Variants in RECK observed in about 807,000 individuals in gnomAD.
The protein encoded by RECK is reversion-inducing cysteine-rich protein with Kazal motifs.
Under a neutral mutation model 115.1 loss-of-function variants are expected in RECK, and 69 were observed. That is an observed-to-expected ratio of 0.60 (90% CI 0.49 to 0.73). The LOEUF (loss-of-function observed/expected upper bound fraction) is 0.73. RECK is among the 30% of genes least tolerant of loss of function. The probability of loss-of-function intolerance (pLI) is 0.00; values close to 1 mark genes in which losing one functional copy is unlikely to be tolerated. For synonymous variants in RECK, 414 were observed against 419.7 expected, an observed-to-expected ratio of 0.99 and a Z score of 0.17; for missense variants, 1,047 against 1,203.7, an observed-to-expected ratio of 0.87 and a Z score of 1.93.
intron 2 of RECK, among the ~76,000 whole-genome samples, chr9:36,054,087 G>C (rs895905968): frequency 6.6e-6 from 1 of 152,182 alleles, no homozygotes; most frequent in African/African-American, 2.4e-5. Flanking sequence ...TGTATCAGGG[G>C]TGTGGAGAGA....
intron 1 of RECK, among the ~76,000 whole-genome samples, chr9:36,048,277 A>G (rs1330594440): frequency 7.9e-5 from 12 of 151,372 alleles, no homozygotes; most frequent in African/African-American, 9.8e-5. Flanking sequence ...TGCCAACTCT[A>G]TCCTCTTTTC....
chr9:36,041,680 C>T (rs1820871003), intron 1 of RECK, among the ~76,000 whole-genome samples: 1 of 152,018 alleles, frequency 6.6e-6, no homozygotes, highest in African/African-American at 2.4e-5. Context: ...GGAAATTAGA[C>T]TTCCCGTGTG....
At chr9:36,056,616 C>T (rs900204898) in intron 2 of RECK, among the ~76,000 whole-genome samples, 1 of 152,132 alleles carries the variant, frequency 6.6e-6, no homozygotes, top group Non-Finnish European at 1.5e-5. Context: ...ATATTCTAGA[C>T]CTATATGGTA....
Position 36,123,036 on chromosome 9 carries a change from A to G in RECK, c.2907A>G (p.Thr969=), listed in dbSNP as rs1280226666. 2 of 1,613,098 alleles carry G rather than the reference A, an allele frequency of 1.2e-6. No homozygotes were observed. The highest frequency in any genetic ancestry group is 1.7e-6 in the Non-Finnish European group (2 of 1,179,446). The change falls in exon 21 of 21, where the codon ACA becomes ACG. Residue 969 remains threonine, a synonymous_variant. Transcript: ENST00000377966. ...GCCTTGCCTTGCACTTGCTCTGGACATATAACTGACTGCCCACGGAAAGTG... is the reference window on the plus strand; with the variant it reads ...GCCTTGCCTTGCACTTGCTCTGGACGTATAACTGACTGCCCACGGAAAGTG... The part of the protein sequence containing the change: ...SLGLALHLLW[T]YN
At position 36,073,231 on chromosome 9, in the gene RECK, G is replaced by GAC. The variant is rs1296993241; in HGVS notation, c.406-7366_406-7365dup. ...AAACAGCAACACACAGACACACACA[G>GAC]ACACACACAGACACACACACACACA... is the stretch of plus-strand genomic sequence containing the variant. On this transcript the variant is annotated intron_variant, in intron 6 of 20. Transcript: ENST00000377966. 6.1e-3 allele frequency among the ~76,000 whole-genome samples: 576 copies of GAC among 94,916 alleles called. 5 individuals carry two copies. The highest frequency in any genetic ancestry group is 0.042 in the Middle Eastern group (7 of 166). 62.3% of individuals were successfully genotyped at this position (94,916 alleles called of 152,430 possible).
intron 19 of RECK, 124 bp downstream of exon 19, chr9:36,120,860 C>T (rs1268919689): frequency 1.4e-6 from 1 of 705,844 alleles, no homozygotes; most frequent in Non-Finnish European, 2.4e-6. Flanking sequence ...AAGCAACTTT[C>T]CCAGGGCCAT....
Position 36,105,209 on chromosome 9 carries a change from C to T in RECK, c.1502C>T (p.Ala501Val), listed in dbSNP as rs1163954813. ...CCCTGTAACCCAAATCCTTGCCCTGCCAATGAGCTCTGTGAAGTAAACCGA... is the reference window on the plus strand; with the variant it reads ...CCCTGTAACCCAAATCCTTGCCCTGTCAATGAGCTCTGTGAAGTAAACCGA... Reference protein sequence around the residue: ...THPCNPNPCPANELCEVNRKG... With the variant: ...THPCNPNPCPVNELCEVNRKG... Residue 501 changes from alanine to valine, a missense_variant, in exon 13 of 21, where the codon GCC becomes GTC. By Grantham distance (64) the Ala-to-Val change is moderately conservative (BLOSUM62 0). Coordinates refer to ENST00000377966, the MANE Select transcript of RECK (RefSeq NM_021111.3). The T allele has an allele frequency of 1.2e-6, 2 of 1,613,922 alleles. No homozygotes were observed. The highest frequency in any genetic ancestry group is 1.1e-5 in the South Asian group (1 of 91,086).
rs1372677569 is a variant in RECK, at chr9:36,094,928, T to C, written c.1085+3585T>C. ...GAGGATTTGAACAACATATGCTGGG[T>C]TAAAAAGCAAGTCTCAACCGCTGTC... is the stretch of plus-strand genomic sequence containing the variant. On this transcript the variant is annotated intron_variant, in intron 10 of 20. Transcript: ENST00000377966. The surrounding 1 kb of genome is among the most constrained non-coding windows in gnomAD (Gnocchi z 4.1). Among the ~76,000 whole-genome samples, 2 of 152,106 alleles carry C rather than the reference T, an allele frequency of 1.3e-5. No homozygotes were observed. Among genetic ancestry groups the C allele is most frequent in the African/African-American group, 2.4e-5 (1 of 41,416 alleles).
intron 1 of RECK, among the ~76,000 whole-genome samples, chr9:36,040,195 A>C (rs1312221667): frequency 6.6e-6 from 1 of 152,258 alleles, no homozygotes; most frequent in Non-Finnish European, 1.5e-5. Flanking sequence ...AAATAGATAA[A>C]TATGTAACAA....
intron 12 of RECK, among the ~76,000 whole-genome samples, chr9:36,102,954 T>TAA (rs34000336): frequency 0.032 from 4,262 of 133,284 alleles, 230 homozygotes; most frequent in African/African-American, 0.11. Context: ...AGACTCTGTC[T>TAA]AAAAAAAAAA....
rs371411958 is a variant in RECK at position 36,083,486 on chromosome 9, C to T, written c.561C>T (p.Cys187=). The T allele has an allele frequency of 5.9e-5, 95 of 1,613,862 alleles. No homozygotes were observed. Among genetic ancestry groups the T allele is most frequent in the Middle Eastern group, 3.3e-4 (2 of 6,082 alleles). Residue 187 remains cysteine (C), a synonymous_variant, in exon 8 of 21, where the codon TGC becomes TGT. Transcript: ENST00000377966. ...PSQIKAVENY[C]ASISPQLIHC... ...AGATAAAAGCAGTGGAAAATTATTG[C>T]GCCTCTATTAGTCCACAATTAATAC... is the stretch of plus-strand genomic sequence containing the variant.
chr9:36,112,242 A>C, intron 15 of RECK, 63 bp from the exon 16 acceptor site: 1 of 1,528,886 alleles, frequency 6.5e-7, no homozygotes, highest in Non-Finnish European at 9.0e-7. Flanking sequence ...TGCCTTAACA[A>C]GGAAATATAA....
Position 36,115,066 on chromosome 9 carries a change from G to C in RECK, c.2061-1919G>C, listed in dbSNP as rs57598861. ...ACGGTGGCTCATACCTGTAATCCCA[G>C]CACTTTGGGAGGCAGAGGTGGGTGA... is the stretch of plus-strand genomic sequence containing the variant. On this transcript the variant is annotated intron_variant, in intron 16 of 20. Coordinates refer to ENST00000377966, the MANE Select transcript of RECK (RefSeq NM_021111.3). 9.0e-3 allele frequency among the ~76,000 whole-genome samples: 1,364 copies of C among 152,196 alleles called. 22 individuals carry two copies. Among genetic ancestry groups the C allele is most frequent in the African/African-American group, 0.032 (1,311 of 41,522 alleles).
At position 36,058,864 on chromosome 9, in the gene RECK, T is replaced by A; in HGVS notation, c.197T>A (p.Leu66Gln). Residue 66 changes from leucine (L) to glutamine (Q), a missense_variant, in exon 3 of 21, where the codon CTG becomes CAG. Leu to Gln is a moderately radical substitution (Grantham distance 113). Transcript: ENST00000377966. ...SSKSESRLKH[L>Q]LQRAPDYCPE... ...AAAAGTGAATCCCGACTAAAACATC[T>A]GTTGCAGCGAGCCCCAGATTATTGC... 1 of 1,595,244 alleles carries A rather than the reference T, an allele frequency of 6.3e-7. No homozygotes were observed.
intron 12 of RECK, among the ~76,000 whole-genome samples, chr9:36,103,114 G>C (rs1338016421): frequency 1.3e-5 from 2 of 152,156 alleles, no homozygotes; most frequent in South Asian, 4.1e-4. Flanking sequence ...TCTTGGCAGT[G>C]AGACCCATAC....
At chr9:36,084,693 G>GGAAGGAA (rs921105124) in intron 8 of RECK, among the ~76,000 whole-genome samples, 2 of 150,778 alleles carry the variant, frequency 1.3e-5, no homozygotes, top group African/African-American at 4.9e-5. Context: ...GACATCGTCA[G>GGAAGGAA]GAAGGAAGAA....
Position 36,043,038 on chromosome 9 carries a change from T to TG in RECK, c.100+5940_100+5941insG, listed in dbSNP as rs1554700749. On this transcript the variant is annotated intron_variant, in intron 1 of 20. Coordinates refer to ENST00000377966, the MANE Select transcript of RECK (RefSeq NM_021111.3). ...TTTTTTTTTTTTTTTTTTTTTTTTT[T>TG]TTGTTGAGACGGAGTCTCGCTCTGT... 3.1e-4 allele frequency among the ~76,000 whole-genome samples: 41 copies of TG among 131,056 alleles called. No homozygotes were observed. The South Asian group carries it at 7.3e-3, about 23-fold the overall frequency. 86.0% of individuals were successfully genotyped at this position (131,056 alleles called of 152,430 possible). A position where few individuals can be genotyped will look rare whatever the true frequency, so the allele number is the denominator to read the frequency against.
intron 2 of RECK, among the ~76,000 whole-genome samples, chr9:36,053,400 G>A (rs1187157139): frequency 6.6e-6 from 1 of 152,044 alleles, no homozygotes; most frequent in Non-Finnish European, 1.5e-5. Context: ...ACTTAACTGG[G>A]ACTATAACTT....
intron 8 of RECK, among the ~76,000 whole-genome samples, chr9:36,087,348 G>A (rs1823005780): frequency 1.3e-5 from 2 of 152,266 alleles, no homozygotes; most frequent in South Asian, 4.1e-4. Context: ...GCAGGGACAT[G>A]GATGAAGCTG....
Sources: gnomAD v4.1 joint callset for allele counts (sites outside exome capture counted in the v4.1 genomes callset) on GRCh38, gnomAD v4.1.1 for gene constraint, Gnocchi (gnomAD v3.1) non-coding constraint, MANE v1.5 for transcripts, NCBI Gene and HGNC (gene_info 2026-07-23, HGNC 2026-07-21) for gene names.